The following TSPAN18 variants were observed in gnomAD, a reference collection of about 807,000 sequenced individuals.
The protein encoded by TSPAN18 is tetraspanin 18, also known as tetraspanin-18.
In TSPAN18, 14 loss-of-function variants were observed where a neutral mutation model predicts 27.3. The observed-to-expected ratio is 0.51, with a 90% confidence interval of 0.34 to 0.80. The LOEUF is 0.80. TSPAN18 is among the 30% of genes least tolerant of loss of function. The pLI, the probability that TSPAN18 is intolerant of heterozygous loss-of-function variation, is 0.01. For synonymous variants in TSPAN18, 143 were observed against 136.5 expected, an observed-to-expected ratio of 1.05 and a Z score of -0.33; for missense variants, 268 against 323.9, an observed-to-expected ratio of 0.83 and a Z score of 1.32.
chr11:44,905,377 G>A (rs893303460), intron 3 of TSPAN18, among the ~76,000 whole-genome samples: 8 of 152,130 alleles, frequency 5.3e-5, no homozygotes, highest in Admixed American at 1.3e-4. Flanking sequence ...CTGCAGTGCC[G>A]GCAGCTCAGG....
chr11:44,921,829 G>T (rs567751703), intron 8 of TSPAN18, among the ~76,000 whole-genome samples: 2 of 152,280 alleles, frequency 1.3e-5, no homozygotes, highest in East Asian at 1.9e-4. Context: ...CGCATTCCCC[G>T]CATCAGATGT....
At chr11:44,878,672 C>T (rs1035443778) in intron 3 of TSPAN18, among the ~76,000 whole-genome samples, 2 of 152,216 alleles carry the variant, frequency 1.3e-5, no homozygotes, top group Non-Finnish European at 2.9e-5. Flanking sequence ...TGGAAGATCA[C>T]ACCTACTTTT....
At chr11:44,744,373 A>G (rs745594316) in intron 1 of TSPAN18, among the ~76,000 whole-genome samples, 1 of 152,194 alleles carries the variant, frequency 6.6e-6, no homozygotes, top group Non-Finnish European at 1.5e-5. Context: ...AAAGAAGTGA[A>G]ACAGATGTGA....
At chr11:44,817,308 A>T (rs1249917452) in intron 2 of TSPAN18, among the ~76,000 whole-genome samples, 1 of 152,230 alleles carries the variant, frequency 6.6e-6, no homozygotes, top group East Asian at 1.9e-4. Flanking sequence ...ATAACAAAAG[A>T]TTCCAAAGCT....
intron 1 of TSPAN18, among the ~76,000 whole-genome samples, chr11:44,762,539 G>A (rs1277273365): frequency 6.6e-6 from 1 of 152,210 alleles, no homozygotes; most frequent in East Asian, 1.9e-4. Context: ...GGAAGCACAT[G>A]TACTTTTGTA....
Position 44,795,022 on chromosome 11 carries a change from C to A in TSPAN18, c.-153+30510C>A, listed in dbSNP as rs555912820. ...CTCACTGGCTTTAGGCAGACATCGG[C>A]ATTGTCCAAGACCACCTCAAAGACC... On this transcript the variant is annotated intron_variant, in intron 2 of 9. Transcript: ENST00000520358. Among the ~76,000 whole-genome samples the A allele has an allele frequency of 5.3e-5, 8 of 152,286 alleles. No homozygotes were observed. The Middle Eastern group carries it at 0.017, about 324-fold the overall frequency.
At chr11:44,851,613 C>CCG (rs1174932419) in intron 2 of TSPAN18, among the ~76,000 whole-genome samples, 6 of 102,618 alleles carry the variant, frequency 5.8e-5, no homozygotes, top group Non-Finnish European at 8.4e-5. Context: ...ACTCTTGTCA[C>CCG]CTCCCCCCCC....
intron 2 of TSPAN18, among the ~76,000 whole-genome samples, chr11:44,820,919 T>C (rs1261367332): frequency 6.6e-6 from 1 of 152,212 alleles, no homozygotes; most frequent in Non-Finnish European, 1.5e-5. Flanking sequence ...AAAAGCTTCC[T>C]GGGGGTTCAC....
chr11:44,883,918 T>C (rs1858563719), intron 3 of TSPAN18, among the ~76,000 whole-genome samples: 1 of 149,422 alleles, frequency 6.7e-6, no homozygotes, highest in Non-Finnish European at 1.5e-5. Flanking sequence ...ACTTTGTAGG[T>C]TGTTGTGAAA....
chr11:44,840,478 T>C (rs879786576), intron 2 of TSPAN18, among the ~76,000 whole-genome samples: 16 of 152,196 alleles, frequency 1.1e-4, no homozygotes, highest in Non-Finnish European at 2.1e-4. Flanking sequence ...TCTTCTCATT[T>C]TGGAAATGAG....
At chr11:44,755,010 C>G (rs1021161067) in intron 1 of TSPAN18, among the ~76,000 whole-genome samples, 1 of 152,210 alleles carries the variant, frequency 6.6e-6, no homozygotes, top group African/African-American at 2.4e-5. Flanking sequence ...CTGGCATGTG[C>G]TGTCTGCAGA....
intron 3 of TSPAN18, chr11:44,897,693 A>G (rs1319869405): frequency 4.3e-6 from 5 of 1,158,956 alleles, no homozygotes; most frequent in Non-Finnish European, 5.7e-6. Flanking sequence ...AGCTCCTTTC[A>G]TGGGGCTGCT....
chr11:44,803,340 G>GC (rs980055160), intron 2 of TSPAN18, among the ~76,000 whole-genome samples: 34 of 106,184 alleles, frequency 3.2e-4, no homozygotes, highest in Admixed American at 9.6e-4. Flanking sequence ...AGCATGGGTT[G>GC]GGGGGGCATT....
chr11:44,831,783 G>A (rs2135144932), intron 2 of TSPAN18, among the ~76,000 whole-genome samples: 1 of 152,330 alleles, frequency 6.6e-6, no homozygotes, highest in Non-Finnish European at 1.5e-5. Context: ...ATGACGTCAT[G>A]CAGTGGTTAG....
intron 3 of TSPAN18, among the ~76,000 whole-genome samples, chr11:44,882,406 T>G (rs759453545): frequency 9.9e-5 from 15 of 152,160 alleles, no homozygotes; most frequent in Middle Eastern, 3.4e-3. Flanking sequence ...CTTTGTACAG[T>G]GGTTCACACA....
In TSPAN18 at chr11:44,768,993, T is replaced by A. The variant is rs1855630587; in HGVS notation, c.-153+4481T>A. On this transcript the variant is annotated intron_variant, in intron 2 of 9. Coordinates refer to ENST00000520358, the MANE Select transcript of TSPAN18 (RefSeq NM_130783.5). Reference sequence around the variant, plus strand: ...GTCACTGCAACCTCCGCCTTTCAGGTTAAGAAATTCTCTGCCTCAGCCTCC... The same window carrying A: ...GTCACTGCAACCTCCGCCTTTCAGGATAAGAAATTCTCTGCCTCAGCCTCC... Among the ~76,000 whole-genome samples, 3 of 151,222 alleles carry A rather than the reference T, an allele frequency of 2.0e-5. No homozygotes were observed. The South Asian group carries it at 6.3e-4, about 32-fold the overall frequency.
intron 3 of TSPAN18, among the ~76,000 whole-genome samples, chr11:44,891,607 C>G (rs576413824): frequency 1.9e-3 from 290 of 152,316 alleles, no homozygotes; most frequent in Non-Finnish European, 3.6e-3. Context: ...TTGCCAGAAG[C>G]TCTGGCTTGT....
intron 2 of TSPAN18, among the ~76,000 whole-genome samples, chr11:44,766,939 T>C (rs942220083): frequency 6.6e-6 from 1 of 152,092 alleles, no homozygotes; most frequent in Non-Finnish European, 1.5e-5. Context: ...CACAGGGTGG[T>C]TGTAAGGTCA....
At chr11:44,843,299 C>A (rs191021414) in intron 2 of TSPAN18, among the ~76,000 whole-genome samples, 1 of 152,050 alleles carries the variant, frequency 6.6e-6, no homozygotes, top group African/African-American at 2.4e-5. Context: ...TGGTGGGATC[C>A]GTGATGCCCC....
Sources: gnomAD v4.1 joint callset for allele counts (sites outside exome capture counted in the v4.1 genomes callset) on GRCh38, gnomAD v4.1.1 for gene constraint, MANE v1.5 for transcripts, NCBI Gene and HGNC (gene_info 2026-07-23, HGNC 2026-07-21) for gene names.